TBL1X: variants seen among roughly 807,000 people sequenced by gnomAD.
The protein encoded by TBL1X is transducin beta like 1 X-linked.
Under a neutral mutation model 50.7 loss-of-function variants are expected in TBL1X, and 10 were observed. The ratio of observed to expected loss-of-function variants is 0.20; its 90% confidence interval spans 0.12 to 0.33. TBL1X has a LOEUF of 0.33. Ranked by LOEUF, TBL1X falls within the 10% of genes least tolerant of loss-of-function variation. The probability of loss-of-function intolerance (pLI) is 1.00; values close to 1 mark genes in which losing one functional copy is unlikely to be tolerated. For missense variants in TBL1X, 340 were observed against 504.4 expected (o/e 0.67, Z 3.12); for synonymous variants, 190 against 214.7 (o/e 0.88, Z 1.01).
intron 11 of TBL1X, among the ~76,000 whole-genome samples, chrX:9,696,165 A>G (rs1296541837): frequency 8.9e-6 from 1 of 112,861 alleles, no homozygotes; most frequent in African/African-American, 3.2e-5. Flanking sequence ...CGCTGATGTA[A>G]TATGTGAAAT....
intron 5 of TBL1X, among the ~76,000 whole-genome samples, chrX:9,682,492 G>T (rs2083031355): frequency 8.9e-6 from 1 of 112,154 alleles, no homozygotes; most frequent in South Asian, 3.7e-4. Context: ...ACCTGGCGGT[G>T]GGGACAGAAC....
intron 12 of TBL1X, among the ~76,000 whole-genome samples, chrX:9,701,053 G>A (rs769007362): frequency 4.5e-5 from 5 of 110,378 alleles, no homozygotes; most frequent in East Asian, 2.8e-4. Context: ...TAGTGGCGAC[G>A]GAACACTTCT....
At chrX:9,518,980 C>T (rs1466518161) in intron 2 of TBL1X, among the ~76,000 whole-genome samples, 1 of 108,955 alleles carries the variant, frequency 9.2e-6, no homozygotes, top group Non-Finnish European at 1.9e-5. Flanking sequence ...CATTCTAGTG[C>T]CTTCTGTGCA....
intron 2 of TBL1X, among the ~76,000 whole-genome samples, chrX:9,504,697 C>T (rs913487788): frequency 8.9e-6 from 1 of 111,778 alleles, no homozygotes; most frequent in Admixed American, 9.5e-5. Flanking sequence ...ACAGCTGAAT[C>T]GACCAAGTAG....
intron 1 of TBL1X, among the ~76,000 whole-genome samples, chrX:9,471,444 G>A (rs1569200078): frequency 8.9e-6 from 1 of 112,320 alleles, no homozygotes; most frequent in East Asian, 2.8e-4. Context: ...CTGCTTCAAG[G>A]TCTGGGAGGC....
At chrX:9,635,830 A>C (rs1850783648) in intron 2 of TBL1X, among the ~76,000 whole-genome samples, 1 of 112,276 alleles carries the variant, frequency 8.9e-6, no homozygotes, top group Admixed American at 9.5e-5. Context: ...ATAAAGGCAG[A>C]ACGATGCCAG....
At chrX:9,708,951 A>G (rs767424390) in intron 13 of TBL1X, among the ~76,000 whole-genome samples, 111 of 112,352 alleles carry the variant, frequency 9.9e-4, no homozygotes, top group Non-Finnish European at 2.0e-3. Flanking sequence ...GCTGCGTTTT[A>G]TGGTATGTGA....
At chrX:9,470,471 G>T (rs1250591964) in intron 1 of TBL1X, among the ~76,000 whole-genome samples, 1 of 112,161 alleles carries the variant, frequency 8.9e-6, no homozygotes, top group African/African-American at 3.2e-5. Flanking sequence ...GGTCAAGCTG[G>T]TCTCAAACTC....
intron 2 of TBL1X, among the ~76,000 whole-genome samples, chrX:9,575,010 G>A (rs190538837): frequency 1.3e-3 from 148 of 111,458 alleles, no homozygotes; most frequent in African/African-American, 4.4e-3. Flanking sequence ...CTGCTATAAG[G>A]AACTACCTGA....
chrX:9,703,936 G>T (rs1323331340), intron 12 of TBL1X, among the ~76,000 whole-genome samples: 6 of 112,684 alleles, frequency 5.3e-5, no homozygotes, highest in Admixed American at 4.7e-4. Context: ...CAGACGCTCT[G>T]AGGACAGAAC....
At chrX:9,671,128 T>C (rs765075118) in intron 5 of TBL1X, among the ~76,000 whole-genome samples, 7 of 111,431 alleles carry the variant, frequency 6.3e-5, no homozygotes, top group Non-Finnish European at 1.3e-4. Context: ...CCCAGTGGTT[T>C]GCTGGAAGGG....
At chrX:9,668,922 A>G (rs1159325372) in intron 5 of TBL1X, among the ~76,000 whole-genome samples, 1 of 111,770 alleles carries the variant, frequency 8.9e-6, no homozygotes, top group Non-Finnish European at 1.9e-5. Flanking sequence ...ATTATGGCAA[A>G]TAATTCTTCT....
intron 5 of TBL1X, among the ~76,000 whole-genome samples, chrX:9,661,518 C>T (rs765466635): frequency 4.5e-5 from 5 of 111,115 alleles, no homozygotes; most frequent in Non-Finnish European, 7.6e-5. Flanking sequence ...GAGTGAGACC[C>T]TGTCTGAAAA....
chrX:9,652,429 A>G (rs1468414992), intron 3 of TBL1X, among the ~76,000 whole-genome samples: 2 of 112,220 alleles, frequency 1.8e-5, no homozygotes, highest in Non-Finnish European at 3.8e-5. Flanking sequence ...CAACTTGAAC[A>G]TATACTTTGT....
chrX:9,709,096 C>T, intron 13 of TBL1X, 152 bp from the exon 14 acceptor site: 1 of 494,402 alleles, frequency 2.0e-6, no homozygotes, highest in East Asian at 3.7e-5. Context: ...AAAGAGGAAA[C>T]TAGATGGCTG....
At chrX:9,556,293 G>T (rs2082299163) in intron 2 of TBL1X, among the ~76,000 whole-genome samples, 1 of 111,064 alleles carries the variant, frequency 9.0e-6, no homozygotes, top group Non-Finnish European at 1.9e-5. Context: ...GGAGAAGGTG[G>T]ATTAGTTTCT....
chrX:9,627,266 T>A (rs1019692856), intron 2 of TBL1X, among the ~76,000 whole-genome samples: 1 of 112,105 alleles, frequency 8.9e-6, no homozygotes, highest in East Asian at 2.8e-4. Flanking sequence ...ACCCACCTAC[T>A]TGGTCTTCAT....
At chrX:9,490,528 A>G (rs893667188) in intron 1 of TBL1X, among the ~76,000 whole-genome samples, 3 of 111,908 alleles carry the variant, frequency 2.7e-5, no homozygotes, top group African/African-American at 9.8e-5. Flanking sequence ...AGGCCAAGAA[A>G]CCCTGCACAA....
At chrX:9,651,156 T>C (rs1288706673) in intron 3 of TBL1X, among the ~76,000 whole-genome samples, 1 of 108,403 alleles carries the variant, frequency 9.2e-6, no homozygotes, top group African/African-American at 3.4e-5. Context: ...GTCTCCTGAG[T>C]AGCTGGGACT....
Sources: allele counts gnomAD v4.1 joint callset (sites outside exome capture counted in the v4.1 genomes callset), GRCh38; gene constraint gnomAD v4.1.1; transcripts MANE v1.5; gene names NCBI Gene and HGNC (gene_info 2026-07-23, HGNC 2026-07-21).